The following RGL1 variants were observed in gnomAD, a reference collection of about 807,000 sequenced individuals.
The protein encoded by RGL1 is ral guanine nucleotide dissociation stimulator like 1, also known as ral guanine nucleotide dissociation stimulator-like 1.
RGL1 carries 24 observed loss-of-function variants against 95.2 expected under a neutral mutation model. The observed-to-expected ratio is 0.25, with a 90% confidence interval of 0.18 to 0.35. RGL1 has a LOEUF of 0.35. Among genes scored for constraint, RGL1 ranks in the 10% least tolerant of loss-of-function variants. The pLI, the probability that RGL1 is intolerant of heterozygous loss-of-function variation, is 1.00. For missense variants in RGL1, 715 were observed against 936.3 expected, an observed-to-expected ratio of 0.76 and a Z score of 3.08; for synonymous variants, 329 against 344.9, an observed-to-expected ratio of 0.95 and a Z score of 0.51.
chr1:183,863,892 G>T (rs1305822876), intron 3 of RGL1, among the ~76,000 whole-genome samples: 1 of 152,160 alleles, frequency 6.6e-6, no homozygotes, highest in Non-Finnish European at 1.5e-5. Context: ...TACTTCTGTG[G>T]TCTTCTGAGC....
At chr1:183,726,363 T>C (rs551540232) in intron 1 of RGL1, among the ~76,000 whole-genome samples, 44 of 152,072 alleles carry the variant, frequency 2.9e-4, no homozygotes, top group South Asian at 8.3e-4. Context: ...ATCAGTATAA[T>C]AGATAAACTG....
At chr1:183,805,988 T>TTTTTTTTTTTTTTTTTTTTTTTC (rs1661295497) in intron 1 of RGL1, among the ~76,000 whole-genome samples, 1 of 42,586 alleles carries the variant, frequency 2.3e-5, no homozygotes, top group Non-Finnish European at 4.5e-5. Flanking sequence ...TTTTTTTTTT[T>TTTTTTTTTTTTTTTTTTTTTTTC]TTTTTTTTTT....
intron 1 of RGL1, among the ~76,000 whole-genome samples, chr1:183,638,591 ACT>A (rs938165340): frequency 1.3e-5 from 2 of 151,888 alleles, no homozygotes; most frequent in Non-Finnish European, 2.9e-5. Context: ...TAATTAGAAA[ACT>A]CATTATTTCA....
intron 2 of RGL1, among the ~76,000 whole-genome samples, chr1:183,846,541 T>TA (rs888979625): frequency 2.7e-5 from 4 of 149,852 alleles, no homozygotes; most frequent in African/African-American, 4.9e-5. Flanking sequence ...GTATAATTTT[T>TA]AAAAAAAAAA....
chr1:183,823,664 G>T (rs923494114), intron 2 of RGL1, among the ~76,000 whole-genome samples: 2 of 152,176 alleles, frequency 1.3e-5, no homozygotes, highest in African/African-American at 2.4e-5. Flanking sequence ...GAGTTCCACT[G>T]TAGCTATAGA....
intron 14 of RGL1, among the ~76,000 whole-genome samples, chr1:183,909,349 A>G (rs998005917): frequency 1.2e-4 from 19 of 152,318 alleles, no homozygotes; most frequent in African/African-American, 4.3e-4. Flanking sequence ...AGAGATGCCT[A>G]CTACTGAGCC....
Position 183,868,646 on chromosome 1 carries a change from T to C in RGL1, c.425+2573T>C, listed in dbSNP as rs536118915. Among the ~76,000 whole-genome samples the C allele has an allele frequency of 5.3e-5, 8 of 152,326 alleles. No individual in the cohort carries two copies. In the South Asian group the frequency reaches 1.7e-3, roughly 32 times the overall value. ...TTTTTTTAGAAGAACCTTTTTATAA[T>C]GGACATTTTGGAGCATATACAAAAG... On this transcript the variant is annotated intron_variant, in intron 4 of 17. Coordinates refer to ENST00000360851, the MANE Select transcript of RGL1 (RefSeq NM_001297671.3).
rs189200689 is a variant in RGL1, at chr1:183,667,950, C to G, written c.-33+31449C>G. Among the ~76,000 whole-genome samples the G allele has an allele frequency of 6.5e-5, 5 of 76,892 alleles. No homozygotes were observed. In the East Asian group the frequency reaches 1.2e-3, roughly 18 times the overall value. 50.4% of individuals were successfully genotyped at this position (76,892 alleles called of 152,430 possible). ...TATATAATAACAAAATATTTCTACT[C>G]TCTCATCTTTTGTATCATTGCTGTG... On this transcript the variant is annotated intron_variant, in intron 1 of 18. Transcript: ENST00000304685.
At chr1:183,699,116 A>G (rs959845237) in intron 1 of RGL1, among the ~76,000 whole-genome samples, 8 of 152,234 alleles carry the variant, frequency 5.3e-5, no homozygotes, top group Non-Finnish European at 8.8e-5. Context: ...AATGGTACCA[A>G]TATTTCAGAG....
chr1:183,809,132 G>A (rs760921299), intron 2 of RGL1, among the ~76,000 whole-genome samples: 11 of 152,208 alleles, frequency 7.2e-5, no homozygotes, highest in Non-Finnish European at 1.3e-4. Context: ...ATGAAGATAC[G>A]TATGAGGTTA....
chr1:183,683,420 A>T (rs1200457299), intron 1 of RGL1, among the ~76,000 whole-genome samples: 2 of 152,210 alleles, frequency 1.3e-5, no homozygotes, highest in Non-Finnish European at 2.9e-5. Context: ...TCCTTTGCTT[A>T]TGAAGCTTAG....
At chr1:183,735,171 G>A (rs1656864402) in intron 1 of RGL1, among the ~76,000 whole-genome samples, 1 of 152,028 alleles carries the variant, frequency 6.6e-6, no homozygotes, top group Non-Finnish European at 1.5e-5. Context: ...AATATCAACT[G>A]GAATAAAGCA....
At chr1:183,813,221 A>G (rs74903434) in intron 2 of RGL1, among the ~76,000 whole-genome samples, 3,073 of 152,250 alleles carry the variant, frequency 0.02, 98 homozygotes, top group African/African-American at 0.069. Context: ...GATTCCTGGC[A>G]GGCACACTGG....
chr1:183,766,314 G>T (rs1051103216), intron 2 of RGL1, among the ~76,000 whole-genome samples: 2 of 151,656 alleles, frequency 1.3e-5, no homozygotes, highest in Non-Finnish European at 2.9e-5. Context: ...TAAGGTTTGG[G>T]ATCAAAAATC....
At chr1:183,790,778 A>T (rs927403142) in intron 2 of RGL1, among the ~76,000 whole-genome samples, 59 of 152,202 alleles carry the variant, frequency 3.9e-4, no homozygotes, top group African/African-American at 1.4e-3. Context: ...TTATTTCTTT[A>T]CAATGCCTTT....
chr1:183,744,261 T>C (rs1278939860), intron 2 of RGL1, among the ~76,000 whole-genome samples: 1 of 151,676 alleles, frequency 6.6e-6, no homozygotes, highest in African/African-American at 2.4e-5. Flanking sequence ...ACATGTAAAA[T>C]CCAGCAGAAG....
At chr1:183,913,600 G>A (rs138381000) in intron 15 of RGL1, among the ~76,000 whole-genome samples, 132 of 152,288 alleles carry the variant, frequency 8.7e-4, no homozygotes, top group African/African-American at 2.9e-3. Context: ...GAAGGTTTCT[G>A]GCTAACCAAG....
intron 2 of RGL1, among the ~76,000 whole-genome samples, chr1:183,832,885 C>T (rs377298074): frequency 1.6e-4 from 25 of 152,060 alleles, no homozygotes; most frequent in African/African-American, 5.3e-4. Flanking sequence ...GAGTTTCAGG[C>T]GGGAATCAAT....
chr1:183,802,089 A>G (rs1661024264), upstream of RGL1, among the ~76,000 whole-genome samples: 1 of 152,128 alleles, frequency 6.6e-6, no homozygotes, highest in Non-Finnish European at 1.5e-5. Flanking sequence ...ATCCATTTTG[A>G]ATTGATTTTT....
Sources: allele counts gnomAD v4.1 joint callset (sites outside exome capture counted in the v4.1 genomes callset), GRCh38; gene constraint gnomAD v4.1.1; transcripts MANE v1.5; gene names NCBI Gene and HGNC (gene_info 2026-07-23, HGNC 2026-07-21).